PRLR: variants seen among roughly 807,000 people sequenced by gnomAD.
The protein encoded by PRLR is hPRL receptor.
In PRLR, 13 loss-of-function variants were observed where a neutral mutation model predicts 40.2. That is an observed-to-expected ratio of 0.32 (90% confidence interval 0.21 to 0.51). The LOEUF is 0.51. PRLR is among the 20% of genes least tolerant of loss of function. The pLI is 0.97. For synonymous variants in PRLR, 269 were observed against 278.7 expected (o/e 0.97, Z 0.35); for missense variants, 656 against 747.3 (o/e 0.88, Z 1.42).
intron 1 of PRLR, among the ~76,000 whole-genome samples, chr5:35,212,567 C>A (rs559002069): frequency 6.6e-6 from 1 of 151,938 alleles, no homozygotes; most frequent in Non-Finnish European, 1.5e-5. Flanking sequence ...CTTTTTTCCC[C>A]CCAGTGAAGT....
chr5:35,165,190 C>T (rs1408296942), intron 1 of PRLR, among the ~76,000 whole-genome samples: 1 of 152,198 alleles, frequency 6.6e-6, no homozygotes, highest in Non-Finnish European at 1.5e-5. Flanking sequence ...AGGTGTTCTG[C>T]TCTTCCATCA....
At chr5:35,174,260 T>C (rs1252967556) in intron 1 of PRLR, among the ~76,000 whole-genome samples, 1 of 152,124 alleles carries the variant, frequency 6.6e-6, no homozygotes, top group Admixed American at 6.5e-5. Context: ...CGGCTAATTT[T>C]TTGTATTTTA....
At chr5:35,126,237 A>G (rs1032325555) in intron 1 of PRLR, among the ~76,000 whole-genome samples, 1 of 152,234 alleles carries the variant, frequency 6.6e-6, no homozygotes, top group Non-Finnish European at 1.5e-5. Context: ...AAATGAGTCC[A>G]TGTACTGTTT....
intron 1 of PRLR, among the ~76,000 whole-genome samples, chr5:35,140,483 A>C (rs191233684): frequency 6.6e-6 from 1 of 152,322 alleles, no homozygotes; most frequent in Admixed American, 6.5e-5. Flanking sequence ...TAATTTGAAC[A>C]CTTCTTGGTT....
chr5:35,049,315 G>T, exon 9 of PRLR: 1 of 703,318 alleles, frequency 1.4e-6, no homozygotes. Flanking sequence ...TGTTGCCTTT[G>T]TGAACACCGC....
intron 1 of PRLR, among the ~76,000 whole-genome samples, chr5:35,213,225 A>G (rs965374119): frequency 2.0e-5 from 3 of 152,198 alleles, no homozygotes; most frequent in Non-Finnish European, 4.4e-5. Context: ...GAAGTTTTAC[A>G]TTTGTACATG....
chr5:35,128,682 T>C (rs1472781882), intron 1 of PRLR, among the ~76,000 whole-genome samples: 1 of 152,130 alleles, frequency 6.6e-6, no homozygotes, highest in Non-Finnish European at 1.5e-5. Flanking sequence ...CCTCTAATTA[T>C]TTGCAAAAAT....
intron 1 of PRLR, among the ~76,000 whole-genome samples, chr5:35,127,043 A>G (rs866058528): frequency 6.6e-6 from 1 of 152,178 alleles, no homozygotes; most frequent in Non-Finnish European, 1.5e-5. Flanking sequence ...CTGCCTAAAT[A>G]TGTATCCCAG....
chr5:35,172,880 C>A (rs367703999), intron 1 of PRLR, among the ~76,000 whole-genome samples: 1 of 152,130 alleles, frequency 6.6e-6, no homozygotes, highest in Non-Finnish European at 1.5e-5. Context: ...AAATGAGTTC[C>A]GGCCCAGGAA....
Position 35,057,928 on chromosome 5 carries a change from A to G in PRLR, c.*7161T>C, listed in dbSNP as rs1270269038. 1 of 152,166 alleles carries G rather than the reference A, an allele frequency of 6.6e-6. No homozygotes were observed. The highest frequency in any genetic ancestry group is 1.5e-5 in the Non-Finnish European group (1 of 68,004). 9.4% of individuals were successfully genotyped at this position (152,166 alleles called of 1,614,324 possible). ...GGTTACAGAAGTCAATTTGTAAGAG[A>G]TATCATTATCATGGCTTTGGACAAC... On this transcript the variant is annotated 3_prime_UTR_variant, in exon 10 of 10. Transcript: ENST00000618457.
chr5:35,132,910 C>T (rs1773732239), intron 1 of PRLR, among the ~76,000 whole-genome samples: 1 of 152,188 alleles, frequency 6.6e-6, no homozygotes, highest in African/African-American at 2.4e-5. Context: ...CTGGGAGAAA[C>T]ACCCAGTACA....
At chr5:35,073,610 T>G (rs925405724) in intron 5 of PRLR, among the ~76,000 whole-genome samples, 1 of 152,224 alleles carries the variant, frequency 6.6e-6, no homozygotes, top group Non-Finnish European at 1.5e-5. Context: ...AAAGTGTTAT[T>G]TGAACCCATA....
chr5:35,094,053 C>T (rs112372056), intron 2 of PRLR, among the ~76,000 whole-genome samples: 5 of 152,204 alleles, frequency 3.3e-5, no homozygotes, highest in Non-Finnish European at 5.9e-5. Flanking sequence ...TATCATGAAG[C>T]GACACTTATG....
chr5:35,198,011 C>T (rs970146597), intron 1 of PRLR, among the ~76,000 whole-genome samples: 3 of 152,208 alleles, frequency 2.0e-5, no homozygotes, highest in Non-Finnish European at 4.4e-5. Flanking sequence ...GCATGGATGC[C>T]GATGGCACCA....
intron 1 of PRLR, among the ~76,000 whole-genome samples, chr5:35,146,256 T>A (rs113178809): frequency 0.012 from 1,902 of 152,258 alleles, 20 homozygotes; most frequent in Non-Finnish European, 0.019. Flanking sequence ...ATAAAACAAA[T>A]GAATTTCATG....
At position 35,065,447 on chromosome 5, in the gene PRLR, G is replaced by A; in HGVS notation, c.1511C>T (p.Ala504Val). The A allele has an allele frequency of 3.7e-6, 6 of 1,614,140 alleles. No homozygotes were observed. Among genetic ancestry groups the A allele is most frequent in the South Asian group, 1.1e-5 (1 of 91,080 alleles). Residue 504 changes from alanine to valine, a missense_variant, in exon 10 of 10, where the codon GCT (alanine) becomes GTT (valine). This residue lies in a region of PRLR where 469 missense variants were observed against 491.5 expected (regional missense o/e 0.95). Transcript: ENST00000618457. ...AATCTCCACATAATCCAAGGGTTTAGCGGAGCCAAAGGGGGTTTTCTCCTG... is the reference window on the plus strand; with the variant it reads ...AATCTCCACATAATCCAAGGGTTTAACGGAGCCAAAGGGGGTTTTCTCCTG... The part of the protein sequence containing the change: ...LPQEKTPFGS[A>V]KPLDYVEIHK...
Position 35,065,082 on chromosome 5 carries a change from C to T in PRLR, c.*7G>A, listed in dbSNP as rs1383990122. ...CATTTTAACCAATCATTCCATTAGT[C>T]AAGCTATCAGTGAAAGGAGTGTGTA... is the stretch of plus-strand genomic sequence containing the variant. On this transcript the variant is annotated 3_prime_UTR_variant, in exon 10 of 10. Coordinates refer to ENST00000618457, the MANE Select transcript of PRLR (RefSeq NM_000949.7). The T allele has an allele frequency of 6.2e-7, 1 of 1,602,028 alleles. No individual in the cohort carries two copies. The highest frequency in any genetic ancestry group is 8.5e-7 in the Non-Finnish European group (1 of 1,172,452).
Position 35,066,061 on chromosome 5 carries a change from T to C in PRLR, c.897A>G (p.Gln299=). 6.2e-7 allele frequency: 1 copy of C among 1,614,128 alleles called. No homozygotes were observed. The highest frequency in any genetic ancestry group is 1.3e-5 in the African/African-American group (1 of 75,056). Reference sequence around the variant, plus strand: ...CATAGTCAGAAGTGGGAGGAAAGTCTTGGCATCCCAAGGCACTCAGTAGTT... The same window carrying C: ...CATAGTCAGAAGTGGGAGGAAAGTCCTGGCATCCCAAGGCACTCAGTAGTT... The part of the protein sequence containing the change: ...SEELLSALGC[Q]DFPPTSDYED... Residue 299 remains glutamine, a synonymous_variant, in exon 10 of 10, where the codon CAA becomes CAG. Coordinates refer to ENST00000618457, the MANE Select transcript of PRLR (RefSeq NM_000949.7).
At chr5:35,098,069 C>G (rs543559621) in intron 2 of PRLR, among the ~76,000 whole-genome samples, 25 of 152,302 alleles carry the variant, frequency 1.6e-4, no homozygotes, top group African/African-American at 6.0e-4. Flanking sequence ...TTGCATATTC[C>G]TACCCACTGT....
Sources: allele counts gnomAD v4.1 joint callset (sites outside exome capture counted in the v4.1 genomes callset), GRCh38; gene constraint gnomAD v4.1.1; regional missense constraint gnomAD v4.1.1; transcripts MANE v1.5; gene names NCBI Gene and HGNC (gene_info 2026-07-23, HGNC 2026-07-21).